The following CALN1 variants were observed in gnomAD, a reference collection of about 807,000 sequenced individuals.
CALN1 encodes calneuron 1.
A neutral mutation model predicts 30.6 loss-of-function variants in CALN1; 17 were observed. The ratio of observed to expected loss-of-function variants is 0.56; its 90% CI spans 0.38 to 0.83. The LOEUF is 0.83. Ranked by LOEUF, CALN1 falls within the 40% of genes least tolerant of loss-of-function variation. CALN1 has a pLI of 0.00. For synonymous variants in CALN1, 156 were observed against 131.4 expected (o/e 1.19, Z -1.28); for missense variants, 291 against 354.9 (o/e 0.82, Z 1.45).
chr7:72,381,874 G>T (rs1221062774), intron 2 of CALN1, among the ~76,000 whole-genome samples: 1 of 152,064 alleles, frequency 6.6e-6, no homozygotes, highest in Admixed American at 6.6e-5. Context: ...TTTAGAAAAA[G>T]AATTATAGAT....
intron 3 of CALN1, among the ~76,000 whole-genome samples, chr7:72,109,266 T>A (rs974732993): frequency 6.6e-6 from 1 of 152,008 alleles, no homozygotes; most frequent in Non-Finnish European, 1.5e-5. Context: ...GACCCTAGGC[T>A]CCCAGCCAGG....
At chr7:72,267,167 T>C (rs1002049813) in intron 3 of CALN1, among the ~76,000 whole-genome samples, 1 of 152,072 alleles carries the variant, frequency 6.6e-6, no homozygotes, top group African/African-American at 2.4e-5. Context: ...GAGAGAAGTG[T>C]CTCCAAAAAA....
chr7:71,864,842 A>G (rs1041521689), intron 5 of CALN1, among the ~76,000 whole-genome samples: 1 of 152,060 alleles, frequency 6.6e-6, no homozygotes, highest in African/African-American at 2.4e-5. Flanking sequence ...TCTCTACAAA[A>G]AACTTATAAA....
At chr7:71,812,130 G>A (rs1222831203) in intron 5 of CALN1, among the ~76,000 whole-genome samples, 3 of 152,130 alleles carry the variant, frequency 2.0e-5, no homozygotes, top group African/African-American at 7.2e-5. Context: ...TGTTCCTTCG[G>A]GCTGGGTCTC....
At position 72,396,470 on chromosome 7, in the gene CALN1, T is replaced by C. The variant is rs556116049; in HGVS notation, c.119+6781A>G. On this transcript the variant is annotated intron_variant, in intron 2 of 6. Coordinates refer to ENST00000395275, the MANE Select transcript of CALN1 (RefSeq NM_031468.4). ...AAAAGTGGAGAAATAGAGCAATGTATGCAATTTTTCTTGGGGGAAGAAAGA... is the reference window on the plus strand; with the variant it reads ...AAAAGTGGAGAAATAGAGCAATGTACGCAATTTTTCTTGGGGGAAGAAAGA... Among the ~76,000 whole-genome samples, 9 of 149,524 alleles carry C rather than the reference T, an allele frequency of 6.0e-5. No individual in the cohort carries two copies. In the South Asian group the frequency reaches 1.7e-3, roughly 28 times the overall value.
intron 5 of CALN1, among the ~76,000 whole-genome samples, chr7:71,843,906 G>T (rs1790087348): frequency 6.6e-6 from 1 of 151,946 alleles, no homozygotes; most frequent in Non-Finnish European, 1.5e-5. Context: ...TAGTGTGCTT[G>T]ATTTTCTGGA....
In CALN1 at chr7:72,140,774, G is replaced by A. The variant is rs115172316; in HGVS notation, c.245-34480C>T. ...TGAGTGTTCAAGACAACCTCCTATC[G>A]GAGCTCATCAACTTCCAGGACAGGA... On this transcript the variant is annotated intron_variant, in intron 3 of 6. Transcript: ENST00000395275. Among the ~76,000 whole-genome samples, 1,066 of 152,294 alleles carry A rather than the reference G, an allele frequency of 7.0e-3. 14 individuals carry two copies. The highest frequency in any genetic ancestry group is 0.023 in the African/African-American group (973 of 41,582).
chr7:72,271,581 T>A lies in CALN1; in HGVS notation c.244+7105A>T, dbSNP rs372366907. On this transcript the variant is annotated intron_variant, in intron 3 of 6. Coordinates refer to ENST00000395275, the MANE Select transcript of CALN1 (RefSeq NM_031468.4). Reference sequence around the variant, plus strand: ...CTGCCTTTTAAAAAAAAAAAATATATATATATATATATAGTTTTCAGCAGG... The same window carrying A: ...CTGCCTTTTAAAAAAAAAAAATATAAATATATATATATAGTTTTCAGCAGG... 2.4e-3 allele frequency among the ~76,000 whole-genome samples: 172 copies of A among 71,200 alleles called. 15 individuals carry two copies. The highest frequency in any genetic ancestry group is 7.9e-3 in the African/African-American group (79 of 9,954). The allele number at this position is 71,200 out of a possible 152,430, so 46.7% of individuals were successfully genotyped here.
the CALN1 span, among the ~76,000 whole-genome samples, chr7:72,485,074 C>A: frequency 7.9e-5 from 12 of 152,052 alleles, no homozygotes; most frequent in South Asian, 2.5e-3. Flanking sequence ...TGCACAGTCT[C>A]TACTAAAAAT....
chr7:72,400,420 A>G (rs766619291), intron 2 of CALN1, among the ~76,000 whole-genome samples: 2 of 152,238 alleles, frequency 1.3e-5, no homozygotes, highest in Non-Finnish European at 2.9e-5. Context: ...TAGCTTTCTC[A>G]GATTTTCCAC....
At chr7:71,855,581 CA>C (rs1342785621) in intron 5 of CALN1, among the ~76,000 whole-genome samples, 1 of 152,134 alleles carries the variant, frequency 6.6e-6, no homozygotes, top group Non-Finnish European at 1.5e-5. Flanking sequence ...GCTAGGGCTG[CA>C]AAGAAGCTGT....
chr7:71,808,867 C>A (rs924402596), intron 6 of CALN1, among the ~76,000 whole-genome samples: 2 of 152,136 alleles, frequency 1.3e-5, no homozygotes, highest in African/African-American at 2.4e-5. Context: ...AAGGCCAGGT[C>A]TGCTGTTTTC....
chr7:72,209,132 TCC>T (rs777096744), intron 3 of CALN1, among the ~76,000 whole-genome samples: 31 of 139,766 alleles, frequency 2.2e-4, no homozygotes, highest in Non-Finnish European at 3.8e-4. Context: ...CTTCCTTCTC[TCC>T]CTCTTTCATT....
intron 3 of CALN1, among the ~76,000 whole-genome samples, chr7:72,242,954 TA>T (rs1185160828): frequency 5.9e-5 from 9 of 152,124 alleles, no homozygotes; most frequent in African/African-American, 1.9e-4. Flanking sequence ...AAAATAATAC[TA>T]AAGTTAGCAA....
intron 3 of CALN1, among the ~76,000 whole-genome samples, chr7:72,238,394 TTGAA>T (rs1322329692): frequency 1.3e-5 from 2 of 152,190 alleles, no homozygotes; most frequent in Non-Finnish European, 2.9e-5. Context: ...TAGAAATTTA[TTGAA>T]TGAATTATTT....
chr7:71,912,064 G>C (rs559659822), intron 5 of CALN1, among the ~76,000 whole-genome samples: 1 of 151,966 alleles, frequency 6.6e-6, no homozygotes. Context: ...GGTGAAACGG[G>C]CTCAATCCTA....
intron 3 of CALN1, among the ~76,000 whole-genome samples, chr7:72,218,380 G>A (rs989252191): frequency 6.6e-6 from 1 of 151,986 alleles, no homozygotes. Context: ...CCCAGCAGGA[G>A]GAGGTTGCAG....
At chr7:71,992,950 A>T (rs916831251) in intron 5 of CALN1, among the ~76,000 whole-genome samples, 5 of 152,226 alleles carry the variant, frequency 3.3e-5, no homozygotes, top group African/African-American at 1.2e-4. Flanking sequence ...TGAAACTTAC[A>T]GGGAAAAGCT....
chr7:72,321,080 G>A (rs1006657722), intron 2 of CALN1, among the ~76,000 whole-genome samples: 9 of 152,156 alleles, frequency 5.9e-5, no homozygotes, highest in Non-Finnish European at 8.8e-5. Context: ...TAAGTATGCT[G>A]CCTCAATCTT....
Sources: allele counts gnomAD v4.1 joint callset (sites outside exome capture counted in the v4.1 genomes callset), GRCh38; gene constraint gnomAD v4.1.1; transcripts MANE v1.5; gene names NCBI Gene and HGNC (gene_info 2026-07-23, HGNC 2026-07-21).